GPC5: variants seen among roughly 807,000 people sequenced by gnomAD.
GPC5 encodes glypican-5.
In GPC5, 47 loss-of-function variants were observed where a neutral mutation model predicts 53.9. The ratio of observed to expected loss-of-function variants is 0.87; its 90% CI spans 0.69 to 1.11. GPC5 has a LOEUF of 1.11. Among genes scored for constraint, GPC5 ranks in the 50% most tolerant of loss-of-function variants. The pLI is 0.00. For missense variants in GPC5, 748 were observed against 713.1 expected (o/e 1.05, Z -0.56); for synonymous variants, 286 against 263.3 (o/e 1.09, Z -0.84).
intron 6 of GPC5, among the ~76,000 whole-genome samples, chr13:92,096,598 T>A (rs1055974133): frequency 6.6e-6 from 1 of 152,240 alleles, no homozygotes; most frequent in Non-Finnish European, 1.5e-5. Flanking sequence ...TCCACTCTCA[T>A]GAATGGATCA....
chr13:92,515,122 G>A (rs1182201249), intron 7 of GPC5, among the ~76,000 whole-genome samples: 2 of 152,122 alleles, frequency 1.3e-5, no homozygotes, highest in African/African-American at 2.4e-5. Flanking sequence ...AAAACTAGAT[G>A]ATATATTTGC....
At chr13:92,046,247 A>C (rs1427984731) in intron 6 of GPC5, among the ~76,000 whole-genome samples, 2 of 152,186 alleles carry the variant, frequency 1.3e-5, no homozygotes, top group Non-Finnish European at 2.9e-5. Context: ...CTTTAAATTT[A>C]GTTTTCTTTA....
intron 2 of GPC5, among the ~76,000 whole-genome samples, chr13:91,638,081 A>T (rs756038069): frequency 2.6e-5 from 4 of 152,238 alleles, no homozygotes; most frequent in African/African-American, 9.6e-5. Flanking sequence ...AGCAAGGCCC[A>T]GAAGCAATCT....
chr13:92,514,963 C>T (rs538071741), intron 7 of GPC5, among the ~76,000 whole-genome samples: 1 of 152,116 alleles, frequency 6.6e-6, no homozygotes, highest in East Asian at 1.9e-4. Context: ...CTGGCAGACT[C>T]CACAGAAACG....
chr13:91,687,805 C>T (rs2035655031), intron 2 of GPC5, among the ~76,000 whole-genome samples: 1 of 151,970 alleles, frequency 6.6e-6, no homozygotes, highest in East Asian at 1.9e-4. Flanking sequence ...TGTTTATTTT[C>T]AATGTGTGCT....
intron 6 of GPC5, among the ~76,000 whole-genome samples, chr13:92,000,834 A>G (rs1455782195): frequency 2.0e-5 from 3 of 152,166 alleles, no homozygotes; most frequent in African/African-American, 7.2e-5. Flanking sequence ...AATATAGAAC[A>G]CTATATGTAA....
intron 6 of GPC5, among the ~76,000 whole-genome samples, chr13:92,114,641 C>T (rs911690713): frequency 5.3e-5 from 8 of 152,156 alleles, no homozygotes; most frequent in Non-Finnish European, 1.2e-4. Flanking sequence ...TTTATCCTCC[C>T]TCCGTTTCTG....
intron 2 of GPC5, among the ~76,000 whole-genome samples, chr13:91,653,986 A>G (rs1348133256): frequency 6.6e-6 from 1 of 152,112 alleles, no homozygotes; most frequent in Admixed American, 6.6e-5. Flanking sequence ...CCATCTTCAC[A>G]TCCCTGCCCC....
chr13:91,820,723 G>C (rs563719716), intron 5 of GPC5, among the ~76,000 whole-genome samples: 2 of 152,276 alleles, frequency 1.3e-5, no homozygotes, highest in South Asian at 4.1e-4. Context: ...CAGCACTTTG[G>C]GAGGCCGAGG....
chr13:92,213,526 T>A (rs1012767531), intron 7 of GPC5, among the ~76,000 whole-genome samples: 1 of 152,178 alleles, frequency 6.6e-6, no homozygotes, highest in African/African-American at 2.4e-5. Context: ...TCTGAGGAAT[T>A]TAAAACTTCT....
intron 7 of GPC5, among the ~76,000 whole-genome samples, chr13:92,661,187 A>G (rs1339588896): frequency 6.6e-6 from 1 of 151,992 alleles, no homozygotes; most frequent in Non-Finnish European, 1.5e-5. Flanking sequence ...CCCAGCTACT[A>G]GGGAGGCTGA....
At chr13:92,093,257 G>A (rs1170969147) in intron 6 of GPC5, among the ~76,000 whole-genome samples, 3 of 152,072 alleles carry the variant, frequency 2.0e-5, no homozygotes, top group Non-Finnish European at 2.9e-5. Flanking sequence ...AAAGGAGACA[G>A]AACAGAAAAG....
chr13:91,886,132 C>T (rs2039319484), intron 5 of GPC5, among the ~76,000 whole-genome samples: 1 of 152,138 alleles, frequency 6.6e-6, no homozygotes, highest in Non-Finnish European at 1.5e-5. Context: ...ACTCCTAGTT[C>T]CACATGGCTG....
chr13:91,556,035 T>C (rs1423935863), intron 2 of GPC5, among the ~76,000 whole-genome samples: 1 of 150,958 alleles, frequency 6.6e-6, no homozygotes, highest in Non-Finnish European at 1.5e-5. Context: ...TCCATCACCA[T>C]GAGGATCCCT....
At chr13:91,431,999 C>T (rs1879486915) in intron 1 of GPC5, among the ~76,000 whole-genome samples, 2 of 152,078 alleles carry the variant, frequency 1.3e-5, no homozygotes, top group African/African-American at 2.4e-5. Flanking sequence ...TTCTTCAGCC[C>T]GGATTGCAGG....
intron 7 of GPC5, among the ~76,000 whole-genome samples, chr13:92,557,687 C>T (rs1305284183): frequency 1.3e-5 from 2 of 151,898 alleles, no homozygotes; most frequent in African/African-American, 4.8e-5. Flanking sequence ...ATATAAGGGG[C>T]TAGTCATATA....
At chr13:92,574,015 G>T (rs916303998) in intron 7 of GPC5, among the ~76,000 whole-genome samples, 7 of 152,118 alleles carry the variant, frequency 4.6e-5, no homozygotes, top group South Asian at 2.1e-4. Flanking sequence ...CCTGAGCCCT[G>T]GGGAGGTATT....
chr13:92,532,151 G>A (rs1363166281), intron 7 of GPC5, among the ~76,000 whole-genome samples: 1 of 152,042 alleles, frequency 6.6e-6, no homozygotes, highest in African/African-American at 2.4e-5. Context: ...TGTTTCTTAA[G>A]TCCCCATTTA....
chr13:91,844,824 C>G (rs2038830058), intron 5 of GPC5, among the ~76,000 whole-genome samples: 1 of 152,142 alleles, frequency 6.6e-6, no homozygotes, highest in Non-Finnish European at 1.5e-5. Context: ...CTCCCAGGTT[C>G]AAGCGATTCT....
Sources: gnomAD v4.1 joint callset for allele counts (sites outside exome capture counted in the v4.1 genomes callset) on GRCh38, gnomAD v4.1.1 for gene constraint, MANE v1.5 for transcripts, NCBI Gene and HGNC (gene_info 2026-07-23, HGNC 2026-07-21) for gene names.